The following EVC variants were observed in gnomAD, a reference collection of about 807,000 sequenced individuals.
EVC encodes the protein EvC ciliary complex subunit 1.
A neutral mutation model predicts 118.9 loss-of-function variants in EVC; 116 were observed. That is an observed-to-expected ratio of 0.98 (90% CI 0.84 to 1.14). The LOEUF (loss-of-function observed/expected upper bound fraction) is 1.14. Among genes scored for constraint, EVC ranks in the 50% most tolerant of loss-of-function variants. The pLI is 0.00. For synonymous variants in EVC, 619 were observed against 534.7 expected, an observed-to-expected ratio of 1.16 and a Z score of -2.18; for missense variants, 1,401 against 1,246.4, an observed-to-expected ratio of 1.12 and a Z score of -1.87.
In EVC at chr4:5,756,319, A is replaced by G. The variant is rs202068809; in HGVS notation, c.1520A>G (p.Glu507Gly). The change falls in exon 11 of 21, where the codon GAG becomes GGG. Residue 507 changes from glutamate to glycine, a missense_variant. Coordinates refer to ENST00000264956, the MANE Select transcript of EVC (RefSeq NM_153717.3). This position sits in a 1 kb window ranked among gnomAD's most constrained non-coding sequence, Gnocchi z 4.2. The part of the protein sequence containing the change: ...QRLMQCDLEE[E>G]ENVRATEAVV... ...CTGATGCAGTGTGACCTGGAGGAAG[A>G]GGAGAATGTCAGAGCCACCGAGGCT... is the stretch of plus-strand genomic sequence containing the variant. The G allele has an allele frequency of 3.7e-6, 6 of 1,612,518 alleles. No individual in the cohort carries two copies. Among genetic ancestry groups the G allele is most frequent in the Non-Finnish European group, 4.2e-6 (5 of 1,179,690 alleles).
At position 5,799,401 on chromosome 4, in the gene EVC, G is replaced by T. The variant is rs1433725576; in HGVS notation, c.2304+609G>T. On this transcript the variant is annotated intron_variant, in intron 15 of 20. Transcript: ENST00000264956. ...CTCGTCTTGTTGGATTTTCCCCACA[G>T]TCCTTGCATGGTCAGGATCATTTTT... Among the ~76,000 whole-genome samples the T allele has an allele frequency of 5.3e-5, 8 of 152,344 alleles. No homozygotes were observed. In the South Asian group the frequency reaches 1.5e-3, roughly 28 times the overall value.
intron 11 of EVC, among the ~76,000 whole-genome samples, chr4:5,767,562 C>T (rs1410717893): frequency 2.0e-5 from 3 of 151,186 alleles, no homozygotes; most frequent in Non-Finnish European, 4.4e-5. Context: ...ACTCCTTGGG[C>T]ATAGGACCCT....
chr4:5,731,645 TGGCCTGCGAGA>T lies in EVC; in HGVS notation c.608_617+1del. The T allele has an allele frequency of 6.2e-7, 1 of 1,614,048 alleles. No homozygotes were observed. On this transcript the variant is annotated frameshift_variant and splice_region_variant, in exon 4 of 21. Transcript: ENST00000264956. LOFTEE classifies it high-confidence loss of function. The surrounding 1 kb of genome is among the most constrained non-coding windows in gnomAD (Gnocchi z 5.6). ...CGGGTGAACGCCTTCCCTGAAGTGC[TGGCCTGCGAGA>T]GGTAAGGAGAGCGGGCAATGGAGGA...
At chr4:5,793,892 T>C (rs1434987753) in intron 13 of EVC, among the ~76,000 whole-genome samples, 175 bp downstream of exon 13, 2 of 152,222 alleles carry the variant, frequency 1.3e-5, no homozygotes, top group East Asian at 3.8e-4. Context: ...GATAATGCTA[T>C]CTATTTGATA....
chr4:5,821,586 AAC>A, the EVC span: 1 of 635,056 alleles, frequency 1.6e-6, no homozygotes, highest in African/African-American at 1.8e-5. This position sits in a 1 kb window ranked among gnomAD's most constrained non-coding sequence, Gnocchi z 4.4. Flanking sequence ...TTTCCAAGCA[AAC>A]ACACCACACT....
At chr4:5,824,451 C>T in the EVC span, 1 of 985,402 alleles carries the variant, frequency 1.0e-6, no homozygotes, top group Non-Finnish European at 1.2e-6. Flanking sequence ...ATAAGAGGTT[C>T]TGCCACCACA....
intron 1 of EVC, among the ~76,000 whole-genome samples, chr4:5,717,670 C>T (rs1724207075): frequency 6.6e-6 from 1 of 152,238 alleles, no homozygotes; most frequent in South Asian, 2.1e-4. Context: ...CCAGCATGGG[C>T]CTGCCTCCAA....
chr4:5,779,239 T>G (rs1735218255), intron 11 of EVC, among the ~76,000 whole-genome samples: 1 of 152,176 alleles, frequency 6.6e-6, no homozygotes, highest in African/African-American at 2.4e-5. Flanking sequence ...TTTTGGTTAC[T>G]GTAGCCTTGT....
At chr4:5,773,500 G>A (rs182240538) in intron 11 of EVC, among the ~76,000 whole-genome samples, 8 of 152,190 alleles carry the variant, frequency 5.3e-5, no homozygotes, top group African/African-American at 1.4e-4. Context: ...AGCAAGTTAC[G>A]TGCCTGAACT....
intron 6 of EVC, among the ~76,000 whole-genome samples, chr4:5,744,665 C>G (rs1303650509): frequency 6.6e-6 from 1 of 152,202 alleles, no homozygotes; most frequent in Admixed American, 6.5e-5. Context: ...TGGGCCACCT[C>G]AGGCTTCCCC....
At chr4:5,819,389 A>C in the EVC span, among the ~76,000 whole-genome samples, 1 of 152,200 alleles carries the variant, frequency 6.6e-6, no homozygotes, top group Admixed American at 6.5e-5. Context: ...AAATCTCAAG[A>C]GGTAAAAGGA....
intron 2 of EVC, among the ~76,000 whole-genome samples, chr4:5,723,156 G>T (rs1048333780): frequency 2.9e-4 from 44 of 151,742 alleles, no homozygotes; most frequent in Admixed American, 5.9e-4. Flanking sequence ...GCGCCTACAG[G>T]TCTTGGGTGG....
At chr4:5,782,747 T>C (rs1735811815) in intron 11 of EVC, among the ~76,000 whole-genome samples, 1 of 151,922 alleles carries the variant, frequency 6.6e-6, no homozygotes, top group African/African-American at 2.4e-5. Flanking sequence ...TGGGTGATCT[T>C]GAGTGTGAGG....
chr4:5,820,498 A>C, the EVC span, among the ~76,000 whole-genome samples: 1 of 152,204 alleles, frequency 6.6e-6, no homozygotes, highest in African/African-American at 2.4e-5. Flanking sequence ...AAGAAGAAAG[A>C]GAGCCAGGAA....
chr4:5,814,848 C>T (rs1717433356), downstream of EVC, among the ~76,000 whole-genome samples: 1 of 152,120 alleles, frequency 6.6e-6, no homozygotes, highest in African/African-American at 2.4e-5. Context: ...CCCCCTCTGC[C>T]CCCAACCCTG....
chr4:5,730,815 G>A (rs1346639191), intron 3 of EVC, among the ~76,000 whole-genome samples: 1 of 152,128 alleles, frequency 6.6e-6, no homozygotes, highest in Non-Finnish European at 1.5e-5. Context: ...CTAAGCCAGA[G>A]CCACTTCACT....
Position 5,798,760 on chromosome 4 carries a change from A to G in EVC, c.2272A>G (p.Lys758Glu). The change falls in exon 15 of 21, where the codon AAG (lysine) becomes GAG (glutamate). Residue 758 changes from lysine (K) to glutamate (E), a missense_variant. Coordinates refer to ENST00000264956, the MANE Select transcript of EVC (RefSeq NM_153717.3). The surrounding 1 kb of genome is among the most constrained non-coding windows in gnomAD (Gnocchi z 4.1). The stretch of plus-strand genomic sequence containing the variant: ...GGTGCATGCACGGAATGCAGCCACC[A>G]AGAGCCGGGCCAAGGACAGGGATGA... The part of the protein sequence containing the change: ...LLVHARNAAT[K>E]SRAKDRDDFK... The G allele has an allele frequency of 6.2e-7, 1 of 1,611,228 alleles. No individual in the cohort carries two copies. The highest frequency in any genetic ancestry group is 8.5e-7 in the Non-Finnish European group (1 of 1,179,974).
Position 5,794,602 on chromosome 4 carries a change from G to C in EVC, c.1886+885G>C, listed in dbSNP as rs1157376774. On this transcript the variant is annotated intron_variant, in intron 13 of 20. Coordinates refer to ENST00000264956, the MANE Select transcript of EVC (RefSeq NM_153717.3). ...ATTTTTGTATTTTTTGTAGAGATGG[G>C]GTTTCACCATGTTGGCCAGGCTGGT... Among the ~76,000 whole-genome samples, 3 of 151,150 alleles carry C rather than the reference G, an allele frequency of 2.0e-5. No homozygotes were observed. The East Asian group carries it at 5.8e-4, about 29-fold the overall frequency.
Position 5,765,797 on chromosome 4 carries a change from G to A in EVC, c.1563+9435G>A, listed in dbSNP as rs376326049. Among the ~76,000 whole-genome samples the A allele has an allele frequency of 3.4e-4, 51 of 150,438 alleles. No individual in the cohort carries two copies. In the East Asian group the frequency reaches 0.01, roughly 30 times the overall value. The stretch of plus-strand genomic sequence containing the variant: ...CCTTTTATTTTGAGCCTATGTGTGT[G>A]TCTGCACGTGAGATGGGTTTCCTGA... On this transcript the variant is annotated intron_variant, in intron 11 of 20. Coordinates refer to ENST00000264956, the MANE Select transcript of EVC (RefSeq NM_153717.3).
Sources: allele counts gnomAD v4.1 joint callset (sites outside exome capture counted in the v4.1 genomes callset), GRCh38; gene constraint gnomAD v4.1.1; non-coding constraint Gnocchi (gnomAD v3.1); transcripts MANE v1.5; gene names NCBI Gene and HGNC (gene_info 2026-07-23, HGNC 2026-07-21).